The following ARPP21 variants were observed in gnomAD, a reference collection of about 807,000 sequenced individuals.
The protein encoded by ARPP21 is cAMP regulated phosphoprotein 21.
In ARPP21, 69 loss-of-function variants were observed where a neutral mutation model predicts 113.2. The observed-to-expected ratio is 0.61, with a 90% CI of 0.50 to 0.74. The LOEUF (loss-of-function observed/expected upper bound fraction) is 0.74. ARPP21 is among the 30% of genes least tolerant of loss of function. The pLI is 0.00. For synonymous variants in ARPP21, 368 were observed against 375.5 expected, an observed-to-expected ratio of 0.98 and a Z score of 0.23; for missense variants, 1,070 against 1,037.4, an observed-to-expected ratio of 1.03 and a Z score of -0.43.
chr3:35,716,943 T>C (rs185983243), intron 12 of ARPP21, among the ~76,000 whole-genome samples: 5 of 152,180 alleles, frequency 3.3e-5, no homozygotes, highest in Admixed American at 1.3e-4. Flanking sequence ...GGAATGCCAA[T>C]ATTTCATTAT....
In ARPP21 at chr3:35,721,643, G is replaced by C; in HGVS notation, c.1034G>C (p.Arg345Pro). 6.2e-7 allele frequency: 1 copy of C among 1,613,616 alleles called. No homozygotes were observed. Among genetic ancestry groups the C allele is most frequent in the Non-Finnish European group, 8.5e-7 (1 of 1,179,714 alleles). ...RDGSGRTSGSRQSSSENELKW... is the reference protein window; with the variant it reads ...RDGSGRTSGSPQSSSENELKW... ...GGCTCAGGGAGAACATCTGGGAGTCGACAGAGCAGCTCAGAAAATGAACTC... is the reference window on the plus strand; with the variant it reads ...GGCTCAGGGAGAACATCTGGGAGTCCACAGAGCAGCTCAGAAAATGAACTC... Residue 345 changes from arginine (R) to proline (P), a missense_variant, in exon 14 of 21, where the codon CGA becomes CCA. By Grantham distance (103) the Arg-to-Pro change is moderately radical (BLOSUM62 -2). Transcript: ENST00000684406.
Position 35,794,158 on chromosome 3 carries a change from A to G in ARPP21, c.*200A>G. The stretch of plus-strand genomic sequence containing the variant: ...CATATTTCTGTCATGTCTGCTAGGT[A>G]TGCCTTTATAGCTTAGCTAGTGACA... On this transcript the variant is annotated 3_prime_UTR_variant, in exon 21 of 21. Transcript: ENST00000684406. 1.7e-6 allele frequency: 1 copy of G among 603,016 alleles called. No homozygotes were observed. Among genetic ancestry groups the G allele is most frequent in the East Asian group, 2.8e-5 (1 of 35,878 alleles). The allele number at this position is 603,016 out of a possible 1,614,324, so 37.4% of individuals were successfully genotyped here.
chr3:35,725,638 C>A (rs2093471677), intron 14 of ARPP21, among the ~76,000 whole-genome samples: 4 of 152,220 alleles, frequency 2.6e-5, no homozygotes, highest in Admixed American at 2.6e-4. Flanking sequence ...ATGTCCTTCC[C>A]CTTCTGCCCT....
intron 17 of ARPP21, 105 bp from the exon 18 acceptor site, chr3:35,739,212 G>T: frequency 7.5e-7 from 1 of 1,330,266 alleles, no homozygotes; most frequent in Admixed American, 2.2e-5. Context: ...TGTACTTCCT[G>T]TCTCTCCCAC....
intron 1 of ARPP21, among the ~76,000 whole-genome samples, chr3:35,660,129 A>G (rs6784162): frequency 0.62 from 93,606 of 151,450 alleles, 29,375 homozygotes; most frequent in African/African-American, 0.73. Context: ...CCTTTTTGAC[A>G]TAGAGCAAAG....
chr3:35,791,597 A>C (rs977010661), intron 19 of ARPP21, among the ~76,000 whole-genome samples: 1 of 152,224 alleles, frequency 6.6e-6, no homozygotes, highest in African/African-American at 2.4e-5. Context: ...GAATAAATCA[A>C]TTCTGGCCTA....
At chr3:35,668,008 GAAGAAGAAGAAGA>G (rs2075224939) in intron 1 of ARPP21, among the ~76,000 whole-genome samples, 1 of 150,392 alleles carries the variant, frequency 6.6e-6, no homozygotes, top group Non-Finnish European at 1.5e-5. Flanking sequence ...AGAAGAAGAA[GAAGAAGAAGAAGA>G]AGAAGAAGAA....
chr3:35,667,463 G>A (rs1296073632), intron 1 of ARPP21, among the ~76,000 whole-genome samples: 1 of 151,936 alleles, frequency 6.6e-6, no homozygotes, highest in Admixed American at 6.6e-5. Context: ...TGAATTCCAA[G>A]CATTCTACTA....
intron 19 of ARPP21, among the ~76,000 whole-genome samples, chr3:35,770,204 C>T (rs2096148175): frequency 6.6e-6 from 1 of 152,166 alleles, no homozygotes; most frequent in African/African-American, 2.4e-5. Context: ...AACTATGCTT[C>T]TAAATTATCT....
At chr3:35,705,498 A>T (rs1448987657) in intron 9 of ARPP21, among the ~76,000 whole-genome samples, 1 of 152,194 alleles carries the variant, frequency 6.6e-6, no homozygotes, top group Non-Finnish European at 1.5e-5. Context: ...TTTACATTGA[A>T]AAGTAGGATA....
intron 12 of ARPP21, chr3:35,715,939 T>G (rs996834678): frequency 2.0e-5 from 3 of 152,602 alleles, no homozygotes; most frequent in Admixed American, 1.3e-4. Flanking sequence ...TTTTTTATTC[T>G]AAACAATCTA....
At chr3:35,677,196 A>G (rs1366433843) in intron 1 of ARPP21, among the ~76,000 whole-genome samples, 1 of 151,952 alleles carries the variant, frequency 6.6e-6, no homozygotes, top group Non-Finnish European at 1.5e-5. Context: ...TTCATCGGTG[A>G]ACTAAATTAT....
At chr3:35,682,600 T>G (rs768551804) in intron 3 of ARPP21, 8 of 404,606 alleles carry the variant, frequency 2.0e-5, no homozygotes, top group Non-Finnish European at 3.1e-5. Flanking sequence ...TGGCTTTTCC[T>G]TGTCCCCTTT....
chr3:35,763,887 G>C (rs1309166142), intron 19 of ARPP21, among the ~76,000 whole-genome samples: 1 of 152,012 alleles, frequency 6.6e-6, no homozygotes, highest in Non-Finnish European at 1.5e-5. Flanking sequence ...TTTCAGGCCG[G>C]GCATGGTAGC....
chr3:35,705,253 T>C (rs911442292), intron 9 of ARPP21, among the ~76,000 whole-genome samples: 5 of 152,066 alleles, frequency 3.3e-5, no homozygotes, highest in African/African-American at 9.7e-5. Context: ...TTAAAAACAA[T>C]CTGGAGAATT....
chr3:35,734,654 G>C (rs947105008), intron 15 of ARPP21, among the ~76,000 whole-genome samples: 1 of 152,172 alleles, frequency 6.6e-6, no homozygotes, highest in African/African-American at 2.4e-5. Context: ...AAAATTTGTG[G>C]TAATAATGGG....
At chr3:35,765,469 A>G (rs2095935500) in intron 19 of ARPP21, among the ~76,000 whole-genome samples, 2 of 152,138 alleles carry the variant, frequency 1.3e-5, no homozygotes, top group South Asian at 2.1e-4. Flanking sequence ...CCTTCAGTTT[A>G]TTGCATAAGT....
At chr3:35,753,248 G>C (rs1212096677) in intron 19 of ARPP21, among the ~76,000 whole-genome samples, 3 of 151,762 alleles carry the variant, frequency 2.0e-5, no homozygotes, top group South Asian at 2.1e-4. Flanking sequence ...GCAAAACTGT[G>C]GTTAAATATT....
chr3:35,700,619 G>A (rs1370197564), intron 9 of ARPP21, among the ~76,000 whole-genome samples: 1 of 151,602 alleles, frequency 6.6e-6, no homozygotes, highest in African/African-American at 2.4e-5. Context: ...TAGTACCCTG[G>A]AGCTGAAGAA....
Sources: gnomAD v4.1 joint callset for allele counts (sites outside exome capture counted in the v4.1 genomes callset) on GRCh38, gnomAD v4.1.1 for gene constraint, MANE v1.5 for transcripts, NCBI Gene and HGNC (gene_info 2026-07-23, HGNC 2026-07-21) for gene names.